The following KATNAL1 variants were observed in gnomAD, a reference collection of about 807,000 sequenced individuals.
KATNAL1 encodes katanin p60 ATPase-containing subunit A-like 1.
Under a neutral mutation model 55.2 loss-of-function variants are expected in KATNAL1, and 32 were observed. That is an observed-to-expected ratio of 0.58 (90% CI 0.44 to 0.78). The LOEUF is 0.78. Among genes scored for constraint, KATNAL1 ranks in the 30% least tolerant of loss-of-function variants. The probability of loss-of-function intolerance (pLI) is 0.00; values close to 1 mark genes in which losing one functional copy is unlikely to be tolerated. For synonymous variants in KATNAL1, 193 were observed against 193.6 expected (o/e 1.00, Z 0.02); for missense variants, 466 against 600.9 (o/e 0.78, Z 2.35).
chr13:30,265,130 A>G lies in KATNAL1; in HGVS notation c.324-9515T>C, dbSNP rs1007427970. 5.5e-4 allele frequency among the ~76,000 whole-genome samples: 82 copies of G among 149,250 alleles called. No homozygotes were observed. In the East Asian group the frequency reaches 0.016, roughly 28 times the overall value. On this transcript the variant is annotated intron_variant, in intron 3 of 10. Transcript: ENST00000380615. ...CAGTAAACTATCGCAAGAACAAAAA[A>G]CCAAACACCGCATATTCTCACTCAT...
At chr13:30,212,688 T>C (rs1449934170) in intron 9 of KATNAL1, among the ~76,000 whole-genome samples, 2 of 152,240 alleles carry the variant, frequency 1.3e-5, no homozygotes, top group East Asian at 1.9e-4. Context: ...CTTACCACTA[T>C]ACATGTATGA....
Position 30,240,633 on chromosome 13 carries a change from C to A in KATNAL1, c.621-68G>T, listed in dbSNP as rs571264648. The A allele has an allele frequency of 3.6e-5, 39 of 1,086,706 alleles. 1 individual carries two copies. In the Admixed American group the frequency reaches 7.3e-4, roughly 20 times the overall value. 67.3% of individuals were successfully genotyped at this position (1,086,706 alleles called of 1,614,324 possible). The stretch of plus-strand genomic sequence containing the variant: ...CTTTGATTTATGGTCAAAACTAATT[C>A]TTTTAATTTTTTTTTACTTATGAAA... On this transcript the variant is annotated intron_variant, in intron 5 of 10. Coordinates refer to ENST00000380615, the MANE Select transcript of KATNAL1 (RefSeq NM_032116.5).
At chr13:30,290,326 G>T (rs1389968998) in intron 1 of KATNAL1, among the ~76,000 whole-genome samples, 1 of 143,076 alleles carries the variant, frequency 7.0e-6, no homozygotes, top group Non-Finnish European at 1.5e-5. Context: ...AGGAAAGAGA[G>T]AAAAAAAAAA....
chr13:30,257,394 C>A (rs9508685), intron 3 of KATNAL1, among the ~76,000 whole-genome samples: 1 of 152,142 alleles, frequency 6.6e-6, no homozygotes, highest in Non-Finnish European at 1.5e-5. Context: ...AGTCTGTTTT[C>A]TTTGTGGTCC....
chr13:30,283,512 AC>A (rs1229811346), intron 2 of KATNAL1, 103 bp downstream of exon 2: 12 of 929,898 alleles, frequency 1.3e-5, no homozygotes, highest in Non-Finnish European at 1.6e-5. Context: ...ATAAATAGGC[AC>A]TATTTCCATC....
intron 4 of KATNAL1, among the ~76,000 whole-genome samples, chr13:30,253,490 C>A (rs1203341386): frequency 2.0e-5 from 3 of 151,832 alleles, no homozygotes; most frequent in East Asian, 3.9e-4. Context: ...GGTGAAACAA[C>A]GCCTCCACTA....
chr13:30,246,927 A>G (rs1877852094), intron 4 of KATNAL1, among the ~76,000 whole-genome samples: 1 of 152,160 alleles, frequency 6.6e-6, no homozygotes, highest in Non-Finnish European at 1.5e-5. Flanking sequence ...TTAGTTCCCC[A>G]CTTTCATGTT....
intron 2 of KATNAL1, among the ~76,000 whole-genome samples, chr13:30,282,350 A>T (rs1881421929): frequency 6.6e-6 from 1 of 152,190 alleles, no homozygotes; most frequent in Non-Finnish European, 1.5e-5. Context: ...TGAATACTTT[A>T]TTTCAGGTCC....
intron 4 of KATNAL1, among the ~76,000 whole-genome samples, chr13:30,248,108 C>T (rs1054877632): frequency 1.3e-5 from 2 of 152,160 alleles, no homozygotes; most frequent in Non-Finnish European, 1.5e-5. Context: ...AAAGCACTCT[C>T]ACTTGGCAAG....
At chr13:30,277,478 G>A (rs1047448808) in intron 3 of KATNAL1, among the ~76,000 whole-genome samples, 1 of 152,126 alleles carries the variant, frequency 6.6e-6, no homozygotes, top group Non-Finnish European at 1.5e-5. Context: ...ATTAAACCAA[G>A]AATATCCAAT....
At chr13:30,245,988 T>A (rs1457905097) in intron 4 of KATNAL1, among the ~76,000 whole-genome samples, 2 of 152,190 alleles carry the variant, frequency 1.3e-5, no homozygotes, top group African/African-American at 4.8e-5. Context: ...AATTTACAGA[T>A]TCAATGCTAT....
intron 6 of KATNAL1, among the ~76,000 whole-genome samples, chr13:30,237,452 T>C (rs919875318): frequency 9.9e-5 from 15 of 152,196 alleles, no homozygotes; most frequent in Admixed American, 9.8e-4. Flanking sequence ...TATGTTTATA[T>C]ACTTCAGCAC....
At chr13:30,213,879 T>TA (rs1311716561) in intron 9 of KATNAL1, among the ~76,000 whole-genome samples, 1 of 152,120 alleles carries the variant, frequency 6.6e-6, no homozygotes, top group African/African-American at 2.4e-5. Context: ...AGGGATGCCC[T>TA]CTCTCACCAC....
In KATNAL1 at chr13:30,276,308, T is replaced by C. The variant is rs140507544; in HGVS notation, c.323+3755A>G. The stretch of plus-strand genomic sequence containing the variant: ...GACACAGAAGTAGAACTTCAAACAA[T>C]GTGGCAAAACCACCGATGGAAAACC... On this transcript the variant is annotated intron_variant, in intron 3 of 10. Coordinates refer to ENST00000380615, the MANE Select transcript of KATNAL1 (RefSeq NM_032116.5). Among the ~76,000 whole-genome samples, 111 of 152,240 alleles carry C rather than the reference T, an allele frequency of 7.3e-4. 3 individuals are homozygous for C. The East Asian group carries it at 0.017, about 24-fold the overall frequency.
rs1878346243 is a variant in KATNAL1 at position 30,251,806 on chromosome 13, C to A, written c.492+3641G>T. Among the ~76,000 whole-genome samples, 5 of 152,146 alleles carry A rather than the reference C, an allele frequency of 3.3e-5. No homozygotes were observed. In the South Asian group the frequency reaches 1.0e-3, roughly 32 times the overall value. On this transcript the variant is annotated intron_variant, in intron 4 of 10. Transcript: ENST00000380615. The stretch of plus-strand genomic sequence containing the variant: ...TAGAAGTATTACTGACACAAATGTG[C>A]ACTTAATAAAGATGTGTCCAATAAA...
intron 6 of KATNAL1, among the ~76,000 whole-genome samples, chr13:30,235,101 G>C (rs74375035): frequency 0.025 from 3,814 of 152,310 alleles, 69 homozygotes; most frequent in Middle Eastern, 0.054. Flanking sequence ...TCATTCAATT[G>C]ATCACGTGAG....
chr13:30,210,389 G>T lies in KATNAL1; in HGVS notation c.1201C>A (p.Pro401Thr). The T allele has an allele frequency of 1.2e-6, 2 of 1,606,360 alleles. No homozygotes were observed. Among genetic ancestry groups the T allele is most frequent in the Non-Finnish European group, 1.7e-6 (2 of 1,176,632 alleles). Residue 401 changes from proline (P) to threonine (T), a missense_variant, in exon 10 of 11, where the codon CCT (proline) becomes ACT (threonine). Transcript: ENST00000380615. The stretch of plus-strand genomic sequence containing the variant: ...GCTATATCTTCCAGTTGAATATCAG[G>T]ATCTAATTCGACCTCACGAAGGTTG... ...KINLREVELD[P>T]DIQLEDIAEK...
intron 4 of KATNAL1, among the ~76,000 whole-genome samples, chr13:30,249,232 CA>C (rs879849637): frequency 2.6e-3 from 344 of 132,382 alleles, no homozygotes; most frequent in Middle Eastern, 3.8e-3. Flanking sequence ...AATTCTGTCT[CA>C]AAAAAAAAAA....
intron 3 of KATNAL1, among the ~76,000 whole-genome samples, chr13:30,265,027 G>A (rs1042730716): frequency 6.6e-6 from 1 of 150,674 alleles, no homozygotes; most frequent in Non-Finnish European, 1.5e-5. Flanking sequence ...TATACACCAT[G>A]GAATACTATG....
Sources: allele counts gnomAD v4.1 joint callset (sites outside exome capture counted in the v4.1 genomes callset), GRCh38; gene constraint gnomAD v4.1.1; transcripts MANE v1.5; gene names NCBI Gene and HGNC (gene_info 2026-07-23, HGNC 2026-07-21).